Variants in FECH observed in about 807,000 individuals in gnomAD.
The protein encoded by FECH is ferrochelatase, mitochondrial.
A neutral mutation model predicts 56.9 loss-of-function variants in FECH; 40 were observed. That is an observed-to-expected ratio of 0.70 (90% CI 0.55 to 0.92). The LOEUF is 0.92. Ranked by LOEUF, FECH falls within the 40% of genes least tolerant of loss-of-function variation. FECH has a pLI of 0.00. For missense variants in FECH, 431 were observed against 529.1 expected (o/e 0.81, Z 1.82); for synonymous variants, 175 against 198.6 (o/e 0.88, Z 1.00).
chr18:57,554,162 C>G, intron 9 of FECH, 98 bp downstream of exon 9: 1 of 1,302,012 alleles, frequency 7.7e-7, no homozygotes. Context: ...CAAACAAATA[C>G]AGTAAACAAT....
intron 1 of FECH, among the ~76,000 whole-genome samples, chr18:57,584,345 A>AAC (rs1555682015): frequency 5.3e-5 from 8 of 150,104 alleles, no homozygotes; most frequent in Admixed American, 2.0e-4. Context: ...AAAAAAAAAA[A>AAC]CTCTCAAAAA....
chr18:57,563,597 A>AAAAAAAAAG, intron 5 of FECH, among the ~76,000 whole-genome samples: 1 of 150,990 alleles, frequency 6.6e-6, no homozygotes, highest in Non-Finnish European at 1.5e-5. Flanking sequence ...AAAAAAAAAA[A>AAAAAAAAAG]AAAAAAAGTA....
In FECH at chr18:57,550,074, G is replaced by C. The variant is rs886444211; in HGVS notation, c.*638C>G. 1 of 152,930 alleles carries C rather than the reference G, an allele frequency of 6.5e-6. No individual in the cohort carries two copies. The highest frequency in any genetic ancestry group is 1.5e-5 in the Non-Finnish European group (1 of 68,676). 9.5% of individuals were successfully genotyped at this position (152,930 alleles called of 1,614,324 possible). The stretch of plus-strand genomic sequence containing the variant: ...ACCCTTGGGTGTATGGGGAATCTAA[G>C]AGCACCTCTGAAATCCATACTTGAT... On this transcript the variant is annotated 3_prime_UTR_variant, in exon 11 of 11. Coordinates refer to ENST00000262093, the MANE Select transcript of FECH (RefSeq NM_000140.5).
At chr18:57,571,081 G>C (rs1335591444) in intron 4 of FECH, among the ~76,000 whole-genome samples, 1 of 152,200 alleles carries the variant, frequency 6.6e-6, no homozygotes. Flanking sequence ...AATGATATAT[G>C]CATCTTTCTT....
In FECH at chr18:57,549,849, A is replaced by C. The variant is rs1372237913; in HGVS notation, c.*863T>G. 6.6e-6 allele frequency: 1 copy of C among 152,220 alleles called. No individual in the cohort carries two copies. Among genetic ancestry groups the C allele is most frequent in the Non-Finnish European group, 1.5e-5 (1 of 68,036 alleles). 9.4% of individuals were successfully genotyped at this position (152,220 alleles called of 1,614,324 possible). On this transcript the variant is annotated 3_prime_UTR_variant, in exon 11 of 11. Transcript: ENST00000262093. ...ATTCTTAAAACAAATGTTCAGAAAGAAGGCATTCAACTAAGATAGAGAAGA... is the reference window on the plus strand; with the variant it reads ...ATTCTTAAAACAAATGTTCAGAAAGCAGGCATTCAACTAAGATAGAGAAGA...
chr18:57,563,286 A>G (rs1171033849), intron 5 of FECH, among the ~76,000 whole-genome samples: 1 of 152,208 alleles, frequency 6.6e-6, no homozygotes, highest in Non-Finnish European at 1.5e-5. Flanking sequence ...AAGTCTTACA[A>G]TTCAAAGTAT....
At position 57,553,791 on chromosome 18, in the gene FECH, C is replaced by T. The variant is rs1568142862; in HGVS notation, c.1077+469G>A. ...ACACATTGCTTCCATGTTCATTTCACGCTCTTCTTTTAAATGACAATGACT... is the reference window on the plus strand; with the variant it reads ...ACACATTGCTTCCATGTTCATTTCATGCTCTTCTTTTAAATGACAATGACT... On this transcript the variant is annotated intron_variant, in intron 9 of 10. Transcript: ENST00000262093. 2.6e-5 allele frequency among the ~76,000 whole-genome samples: 4 copies of T among 152,180 alleles called. No individual in the cohort carries two copies. The South Asian group carries it at 8.3e-4, about 32-fold the overall frequency.
chr18:57,562,069 AGTT>A (rs1297794342), intron 6 of FECH, among the ~76,000 whole-genome samples: 1 of 152,218 alleles, frequency 6.6e-6, no homozygotes, highest in Non-Finnish European at 1.5e-5. Flanking sequence ...CTTCTAAAGA[AGTT>A]GTTAGTAGGG....
In FECH at chr18:57,548,821, G is replaced by C. The variant is rs912120404; in HGVS notation, c.*1891C>G. On this transcript the variant is annotated 3_prime_UTR_variant, in exon 11 of 11. Coordinates refer to ENST00000262093, the MANE Select transcript of FECH (RefSeq NM_000140.5). ...ACTGCTATCAATTCAGGTTTCCTTA[G>C]CAAATAAGTGCTTCAGATATACTCG... The C allele has an allele frequency of 7.9e-5, 12 of 152,222 alleles. No homozygotes were observed. The highest frequency in any genetic ancestry group is 2.7e-4 in the African/African-American group (11 of 41,446). The allele number at this position is 152,222 out of a possible 1,614,324, so 9.4% of individuals were successfully genotyped here.
chr18:57,561,938 T>C lies in FECH; in HGVS notation c.705+936A>G, dbSNP rs147770726. ...CCTTCTTTTCAGTTTTTACTTAAAA[T>C]TGGATTTCAACCCAAGTGTTAACCC... On this transcript the variant is annotated intron_variant, in intron 6 of 10. Coordinates refer to ENST00000262093, the MANE Select transcript of FECH (RefSeq NM_000140.5). Among the ~76,000 whole-genome samples the C allele has an allele frequency of 1.1e-3, 165 of 152,330 alleles. 1 individual carries two copies. The highest frequency in any genetic ancestry group is 6.2e-3 in the South Asian group (30 of 4,832).
chr18:57,559,806 AC>A (rs1425686420), intron 6 of FECH, among the ~76,000 whole-genome samples: 1 of 152,156 alleles, frequency 6.6e-6, no homozygotes, highest in African/African-American at 2.4e-5. Flanking sequence ...GGTGATACAC[AC>A]CCATTAAATT....
chr18:57,578,953 C>T (rs1242063970), intron 2 of FECH, among the ~76,000 whole-genome samples: 4 of 143,872 alleles, frequency 2.8e-5, no homozygotes, highest in African/African-American at 5.2e-5. Context: ...AGCAAGACTC[C>T]CTCTCAAAAA....
intron 2 of FECH, among the ~76,000 whole-genome samples, chr18:57,577,661 T>TTA (rs149590623): frequency 0.26 from 39,083 of 152,144 alleles, 5,585 homozygotes; most frequent in African/African-American, 0.36. Context: ...AGACAAGTAT[T>TTA]TATGATGATA....
At chr18:57,568,134 G>A (rs756622488) in intron 4 of FECH, among the ~76,000 whole-genome samples, 3 of 152,200 alleles carry the variant, frequency 2.0e-5, no homozygotes, top group Admixed American at 6.5e-5. Context: ...TAGCAAGCAA[G>A]TAGAAACTGC....
chr18:57,563,605 G>GTA (rs2050976575), intron 5 of FECH, among the ~76,000 whole-genome samples: 1 of 54,590 alleles, frequency 1.8e-5, no homozygotes, highest in Non-Finnish European at 4.1e-5. Context: ...AAAAAAAAAA[G>GTA]TATGTTATTT....
At chr18:57,557,532 G>A (rs1391644366) in intron 7 of FECH, among the ~76,000 whole-genome samples, 1 of 152,196 alleles carries the variant, frequency 6.6e-6, no homozygotes, top group Non-Finnish European at 1.5e-5. Context: ...AGCCAGGCAC[G>A]GTGGCTCATG....
At chr18:57,559,972 A>C (rs947054404) in intron 6 of FECH, among the ~76,000 whole-genome samples, 5 of 152,232 alleles carry the variant, frequency 3.3e-5, no homozygotes, top group African/African-American at 1.2e-4. Flanking sequence ...TCACGTCGAT[A>C]GGTGCTGAAA....
intron 6 of FECH, among the ~76,000 whole-genome samples, chr18:57,560,642 C>T (rs1359334135): frequency 6.6e-6 from 1 of 152,248 alleles, no homozygotes; most frequent in Admixed American, 6.5e-5. Flanking sequence ...CAGAGTGAAA[C>T]CCTGCCTCAA....
Position 57,559,178 on chromosome 18 carries a change from G to T in FECH, c.771C>A (p.Val257=). 1 of 1,613,566 alleles carries T rather than the reference G, an allele frequency of 6.2e-7. No homozygotes were observed. The highest frequency in any genetic ancestry group is 1.1e-5 in the South Asian group (1 of 91,028). ...HFPLEKRSEV[V]ILFSAHSLPM... ...GCAGTGAGTGAGCAGAAAACAGAAT[G>T]ACCACCTCGCTTCTCTTCTCAAGTG... The change falls in exon 7 of 11, where the codon GTC becomes GTA. Residue 257 remains valine (V), a synonymous_variant. Transcript: ENST00000262093.
Sources: gnomAD v4.1 joint callset for allele counts (sites outside exome capture counted in the v4.1 genomes callset) on GRCh38, gnomAD v4.1.1 for gene constraint, MANE v1.5 for transcripts, NCBI Gene and HGNC (gene_info 2026-07-23, HGNC 2026-07-21) for gene names.